Variants in FANCA observed in about 807,000 individuals in gnomAD.
FANCA encodes FA complementation group A.
A neutral mutation model predicts 194.3 loss-of-function variants in FANCA; 236 were observed. The observed-to-expected ratio is 1.21, with a 90% CI of 1.09 to 1.35. FANCA has a LOEUF of 1.35. Ranked by LOEUF, FANCA falls within the 40% of genes most tolerant of loss-of-function variation. The probability of loss-of-function intolerance (pLI) is 0.00; values close to 1 mark genes in which losing one functional copy is unlikely to be tolerated. For synonymous variants in FANCA, 1,014 were observed against 715.8 expected (o/e 1.42, Z -6.65); for missense variants, 2,628 against 1,813.9 (o/e 1.45, Z -8.15).
intron 18 of FANCA, among the ~76,000 whole-genome samples, chr16:89,779,335 T>A (rs1323526456): frequency 6.6e-6 from 1 of 152,122 alleles, no homozygotes; most frequent in African/African-American, 2.4e-5. Context: ...GGAGCTGCAA[T>A]CAGCTCATCC....
rs557294566 is a variant in FANCA at position 89,776,161 on chromosome 16, T to C, written c.1827-346A>G. ...TCAAAACACGAATCTTTGTTTTTCT[T>C]TTTTTTTTTTTTTTTTTTTTTTTTG... is the stretch of plus-strand genomic sequence containing the variant. On this transcript the variant is annotated intron_variant, in intron 20 of 42. Coordinates refer to ENST00000389301, the MANE Select transcript of FANCA (RefSeq NM_000135.4). 4.8e-3 allele frequency among the ~76,000 whole-genome samples: 319 copies of C among 66,676 alleles called. 1 individual carries two copies. The highest frequency in any genetic ancestry group is 0.013 in the African/African-American group (204 of 16,214). 43.7% of individuals were successfully genotyped at this position (66,676 alleles called of 152,430 possible). A position where few individuals can be genotyped will look rare whatever the true frequency, so the allele number is the denominator to read the frequency against.
rs1204532713 is a variant in FANCA, at chr16:89,803,387, C to T, written c.710-46G>A. On this transcript the variant is annotated intron_variant, in intron 7 of 42. Transcript: ENST00000389301. Reference sequence around the variant, plus strand: ...AGTTATTTATGGACATCATGGTCTCCAAGCAACTGTGAATGGCACAGACCA... The same window carrying T: ...AGTTATTTATGGACATCATGGTCTCTAAGCAACTGTGAATGGCACAGACCA... The T allele has an allele frequency of 3.2e-6, 5 of 1,544,134 alleles. No homozygotes were observed. In the African/African-American group the frequency reaches 4.1e-5, roughly 13 times the overall value.
intron 10 of FANCA, chr16:89,798,950 C>T (rs979839616): frequency 5.0e-6 from 8 of 1,611,096 alleles, no homozygotes; most frequent in Non-Finnish European, 6.8e-6. Context: ...AGTGGGCGCA[C>T]CTTCCGACCT....
At chr16:89,749,941 G>C (rs530013857) in intron 31 of FANCA, 39 bp from the exon 32 acceptor site, 2 of 1,611,128 alleles carry the variant, frequency 1.2e-6, no homozygotes, top group Non-Finnish European at 1.7e-6. Context: ...AAGGCCTCGG[G>C]GCTCACTGCC....
chr16:89,803,735 C>A (rs17232330), intron 7 of FANCA, among the ~76,000 whole-genome samples: 18,372 of 151,340 alleles, frequency 0.12, 1,447 homozygotes, highest in Middle Eastern at 0.32. Flanking sequence ...CAATTCTCTG[C>A]CTCAGCCTCA....
At position 89,771,956 on chromosome 16, in the gene FANCA, C is replaced by G. The variant is rs1252966595; in HGVS notation, c.2015-142G>C. 4.0e-6 allele frequency: 4 copies of G among 1,009,948 alleles called. No homozygotes were observed. The East Asian group carries it at 7.7e-5, about 19-fold the overall frequency. The allele number at this position is 1,009,948 out of a possible 1,614,324, so 62.6% of individuals were successfully genotyped here. A position where few individuals can be genotyped will look rare whatever the true frequency, so the allele number is the denominator to read the frequency against. Reference sequence around the variant, plus strand: ...ACATCCCCCAGCCAGGTGCTGAACACCAGTGTTTGTTCGCCCCGCAGGATT... The same window carrying G: ...ACATCCCCCAGCCAGGTGCTGAACAGCAGTGTTTGTTCGCCCCGCAGGATT... On this transcript the variant is annotated intron_variant, in intron 22 of 42. Coordinates refer to ENST00000389301, the MANE Select transcript of FANCA (RefSeq NM_000135.4).
Position 89,779,891 on chromosome 16 carries a change from G to T in FANCA, c.1693C>A (p.Pro565Thr), listed in dbSNP as rs761922839. The T allele has an allele frequency of 3.7e-6, 6 of 1,613,782 alleles. No individual in the cohort carries two copies. The highest frequency in any genetic ancestry group is 4.2e-6 in the Non-Finnish European group (5 of 1,180,022). ...IMVFEHTGNI[P>T]VTVMEASIFR... Reference sequence around the variant, plus strand: ...TACCTGGCCTCCATGACGGTGACTGGGATGTTCCCCGTATGCTCAAACACC... The same window carrying T: ...TACCTGGCCTCCATGACGGTGACTGTGATGTTCCCCGTATGCTCAAACACC... The change falls in exon 18 of 43, where the codon CCA becomes ACA. Residue 565 changes from proline (P) to threonine (T), a missense_variant. Transcript: ENST00000389301.
Position 89,758,717 on chromosome 16 carries a change from A to C in FANCA, c.2853-12T>G. 6.2e-7 allele frequency: 1 copy of C among 1,613,124 alleles called. No individual in the cohort carries two copies. Among genetic ancestry groups the C allele is most frequent in the Non-Finnish European group, 8.5e-7 (1 of 1,179,312 alleles). ...GGTGGAAGTCCTGCCTAGAACAGCA[A>C]ACACTGCTATCAATTCTGAGAAATG... On this transcript the variant is annotated splice_polypyrimidine_tract_variant and intron_variant, in intron 29 of 42. Coordinates refer to ENST00000389301, the MANE Select transcript of FANCA (RefSeq NM_000135.4).
intron 32 of FANCA, 125 bp downstream of exon 32, chr16:89,749,605 G>A: frequency 8.3e-7 from 1 of 1,199,060 alleles, no homozygotes; most frequent in Non-Finnish European, 1.2e-6. Context: ...GGACAGGCTT[G>A]GGGTGGGGAC....
At chr16:89,768,456 G>A (rs2039205166) in intron 26 of FANCA, among the ~76,000 whole-genome samples, 1 of 152,122 alleles carries the variant, frequency 6.6e-6, no homozygotes, top group Non-Finnish European at 1.5e-5. Context: ...AGGAGTTCAA[G>A]ACCAGCCTGG....
At chr16:89,775,367 T>A (rs1436074966) in intron 21 of FANCA, among the ~76,000 whole-genome samples, 1 of 152,184 alleles carries the variant, frequency 6.6e-6, no homozygotes, top group East Asian at 1.9e-4. Flanking sequence ...AAGTGCTGCA[T>A]GACACTCCCT....
intron 30 of FANCA, among the ~76,000 whole-genome samples, chr16:89,753,510 A>G (rs1006672569): frequency 2.0e-5 from 3 of 152,234 alleles, no homozygotes; most frequent in Admixed American, 1.3e-4. Context: ...TCAATAAAAT[A>G]AAAAGCAAAA....
At chr16:89,760,138 G>T (rs896014342) in intron 29 of FANCA, among the ~76,000 whole-genome samples, 14 of 152,214 alleles carry the variant, frequency 9.2e-5, no homozygotes, top group South Asian at 2.1e-4. Flanking sequence ...TCCACGCAGC[G>T]GTGACCTGAT....
Position 89,806,826 on chromosome 16 carries a change from G to A in FANCA, c.597-1434C>T, listed in dbSNP as rs555227709. 7.9e-5 allele frequency among the ~76,000 whole-genome samples: 12 copies of A among 152,076 alleles called. No individual in the cohort carries two copies. In the East Asian group the frequency reaches 1.2e-3, roughly 15 times the overall value. ...TCCCCCCTTTGTATTCCATAAAACC[G>A]CCATTGTCATCATGGCCCGTTCTCA... On this transcript the variant is annotated intron_variant, in intron 6 of 42. Coordinates refer to ENST00000389301, the MANE Select transcript of FANCA (RefSeq NM_000135.4).
At chr16:89,759,950 A>G (rs1482121199) in intron 29 of FANCA, among the ~76,000 whole-genome samples, 1 of 151,814 alleles carries the variant, frequency 6.6e-6, no homozygotes, top group Admixed American at 6.6e-5. Context: ...TGCTCCACCC[A>G]CGCTGTGCGG....
At chr16:89,785,325 C>T (rs929084859) in intron 14 of FANCA, among the ~76,000 whole-genome samples, 15 of 152,190 alleles carry the variant, frequency 9.9e-5, no homozygotes, top group African/African-American at 3.6e-4. Flanking sequence ...CTTTTGGGAT[C>T]CTTAGGGGTA....
At chr16:89,808,267 A>G in intron 6 of FANCA, 27 bp downstream of exon 6, 1 of 1,607,924 alleles carries the variant, frequency 6.2e-7, no homozygotes, top group Non-Finnish European at 8.5e-7. Flanking sequence ...CAAAAACAGT[A>G]ACACTGAATC....
At position 89,762,038 on chromosome 16, in the gene FANCA, A is replaced by G; in HGVS notation, c.2779-16T>C. 1 of 1,603,632 alleles carries G rather than the reference A, an allele frequency of 6.2e-7. No individual in the cohort carries two copies. Among genetic ancestry groups the G allele is most frequent in the Non-Finnish European group, 8.5e-7 (1 of 1,170,308 alleles). On this transcript the variant is annotated splice_polypyrimidine_tract_variant and intron_variant, in intron 28 of 42. Transcript: ENST00000389301. ...GGTAAGTTAACTGAGAAAGAGAGCAAGCAATTCAATACAATGAGGACAGAA... is the reference window on the plus strand; with the variant it reads ...GGTAAGTTAACTGAGAAAGAGAGCAGGCAATTCAATACAATGAGGACAGAA...
At chr16:89,814,715 G>C in intron 2 of FANCA, 102 bp from the exon 3 acceptor site, 1 of 803,840 alleles carries the variant, frequency 1.2e-6, no homozygotes, top group South Asian at 1.4e-5. Flanking sequence ...GGCCGAGATG[G>C]GCAGATCACG....
Sources: allele counts gnomAD v4.1 joint callset (sites outside exome capture counted in the v4.1 genomes callset), GRCh38; gene constraint gnomAD v4.1.1; transcripts MANE v1.5; gene names NCBI Gene and HGNC (gene_info 2026-07-23, HGNC 2026-07-21).